DLGAP1: variants seen among roughly 807,000 people sequenced by gnomAD.
The protein encoded by DLGAP1 is DLG associated protein 1.
A neutral mutation model predicts 90.8 loss-of-function variants in DLGAP1; 11 were observed. The observed-to-expected ratio is 0.12, with a 90% CI of 0.08 to 0.20. The LOEUF is 0.20. Ranked by LOEUF, DLGAP1 falls within the 10% of genes least tolerant of loss-of-function variation. The pLI is 1.00. For missense variants in DLGAP1, 1,050 were observed against 1,333.8 expected (o/e 0.79, Z 3.31); for synonymous variants, 558 against 540.7 (o/e 1.03, Z -0.44).
chr18:4,249,890 T>C (rs560868879), intron 1 of DLGAP1, among the ~76,000 whole-genome samples: 1 of 152,168 alleles, frequency 6.6e-6, no homozygotes, highest in Non-Finnish European at 1.5e-5. Flanking sequence ...AGCGTGACCA[T>C]GTAAGTTTCA....
At chr18:3,572,258 A>G (rs2054851778) in intron 8 of DLGAP1, among the ~76,000 whole-genome samples, 1 of 151,604 alleles carries the variant, frequency 6.6e-6, no homozygotes, top group Non-Finnish European at 1.5e-5. Flanking sequence ...AATAAAAGCA[A>G]TTTTGCTTTG....
intron 7 of DLGAP1, among the ~76,000 whole-genome samples, chr18:3,583,941 C>T (rs575644053): frequency 6.6e-6 from 1 of 151,974 alleles, no homozygotes; most frequent in African/African-American, 2.4e-5. Flanking sequence ...GAGCAAGATT[C>T]GGTCTAAAAA....
intron 1 of DLGAP1, among the ~76,000 whole-genome samples, chr18:4,330,327 A>T (rs901871049): frequency 6.6e-6 from 1 of 150,786 alleles, no homozygotes; most frequent in African/African-American, 2.5e-5. Context: ...GTTTTCTTTA[A>T]ATTTATTTTT....
chr18:3,515,354 C>T (rs1039156749), intron 10 of DLGAP1, among the ~76,000 whole-genome samples: 3 of 150,976 alleles, frequency 2.0e-5, no homozygotes, highest in Middle Eastern at 3.2e-3. Flanking sequence ...ACTGTAGACC[C>T]AGCTACTCAG....
At chr18:3,967,437 A>G (rs953100688) in intron 3 of DLGAP1, among the ~76,000 whole-genome samples, 1 of 152,196 alleles carries the variant, frequency 6.6e-6, no homozygotes, top group Admixed American at 6.5e-5. Context: ...AGAACCTGGG[A>G]ACTCATTAAA....
chr18:4,197,717 G>A (rs2077527396), intron 1 of DLGAP1, among the ~76,000 whole-genome samples: 1 of 152,160 alleles, frequency 6.6e-6, no homozygotes, highest in African/African-American at 2.4e-5. Flanking sequence ...AGAATATCTA[G>A]GCTGGAATTT....
At chr18:4,243,839 T>C (rs760744069) in intron 1 of DLGAP1, among the ~76,000 whole-genome samples, 4 of 152,210 alleles carry the variant, frequency 2.6e-5, no homozygotes, top group Non-Finnish European at 5.9e-5. Context: ...CCCTACACTG[T>C]GGCTGAAAGG....
At position 3,547,301 on chromosome 18, in the gene DLGAP1, C is replaced by CAAAA. The variant is rs765095049; in HGVS notation, c.2058-12690_2058-12687dup. 7.7e-3 allele frequency among the ~76,000 whole-genome samples: 342 copies of CAAAA among 44,278 alleles called. 5 individuals carry two copies. The highest frequency in any genetic ancestry group is 0.013 in the Middle Eastern group (1 of 76). The allele number at this position is 44,278 out of a possible 152,430, so 29.0% of individuals were successfully genotyped here. A position where few individuals can be genotyped will look rare whatever the true frequency, so the allele number is the denominator to read the frequency against. ...TGGGCAATAGAGCGAGACTCCGTCTCAAAAAAAAAAAAAAAAAAAAAAGAA... is the reference window on the plus strand; with the variant it reads ...TGGGCAATAGAGCGAGACTCCGTCTCAAAAAAAAAAAAAAAAAAAAAAAAAAGAA... On this transcript the variant is annotated intron_variant, in intron 9 of 12. Coordinates refer to ENST00000315677, the MANE Select transcript of DLGAP1 (RefSeq NM_004746.4).
chr18:4,047,836 C>T (rs184624653), intron 2 of DLGAP1, among the ~76,000 whole-genome samples: 1 of 152,262 alleles, frequency 6.6e-6, no homozygotes, highest in Admixed American at 6.5e-5. Flanking sequence ...TGCTCTGTTG[C>T]CCTGGTTGGA....
chr18:3,926,089 T>C (rs1021573662), intron 3 of DLGAP1, among the ~76,000 whole-genome samples: 2 of 152,214 alleles, frequency 1.3e-5, no homozygotes, highest in Non-Finnish European at 2.9e-5. Flanking sequence ...AGGCTATGTT[T>C]CTCATTGCCA....
chr18:4,313,812 G>A (rs1453494654), intron 1 of DLGAP1, among the ~76,000 whole-genome samples: 1 of 152,172 alleles, frequency 6.6e-6, no homozygotes, highest in Non-Finnish European at 1.5e-5. Flanking sequence ...TGCTGCAGAA[G>A]CAATGAATAA....
At chr18:4,098,230 C>A (rs182771887) in intron 2 of DLGAP1, among the ~76,000 whole-genome samples, 3 of 152,064 alleles carry the variant, frequency 2.0e-5, no homozygotes, top group African/African-American at 7.2e-5. Flanking sequence ...AGATTTCATA[C>A]CAGCAGTCAA....
chr18:4,053,457 T>G (rs1454945679), intron 2 of DLGAP1, among the ~76,000 whole-genome samples: 3 of 152,190 alleles, frequency 2.0e-5, no homozygotes, highest in Non-Finnish European at 4.4e-5. Flanking sequence ...TCCCATGACA[T>G]GTGAAGATTA....
At chr18:3,589,835 A>G (rs2056127212) in intron 7 of DLGAP1, among the ~76,000 whole-genome samples, 1 of 152,164 alleles carries the variant, frequency 6.6e-6, no homozygotes, top group African/African-American at 2.4e-5. Context: ...CCACTGTCTA[A>G]AATCTGCTGA....
At chr18:4,328,062 T>C (rs963058052) in intron 1 of DLGAP1, among the ~76,000 whole-genome samples, 1 of 151,946 alleles carries the variant, frequency 6.6e-6, no homozygotes, top group Non-Finnish European at 1.5e-5. Context: ...TCATTTATCT[T>C]TCCAAAATAA....
At chr18:3,793,290 A>T (rs2065830550) in intron 5 of DLGAP1, among the ~76,000 whole-genome samples, 1 of 152,046 alleles carries the variant, frequency 6.6e-6, no homozygotes, top group Admixed American at 6.5e-5. Context: ...GGATGGGCAC[A>T]TACCTGTCCA....
intron 1 of DLGAP1, among the ~76,000 whole-genome samples, chr18:4,312,523 G>C (rs1404765249): frequency 6.6e-6 from 1 of 152,160 alleles, no homozygotes; most frequent in Non-Finnish European, 1.5e-5. Context: ...CTTTAAGTTT[G>C]TCAGGGTGTG....
intron 7 of DLGAP1, among the ~76,000 whole-genome samples, chr18:3,717,039 CTTTTTTTT>C (rs56981271): frequency 0.023 from 2,605 of 113,830 alleles, 82 homozygotes; most frequent in African/African-American, 0.08. Context: ...GTGAGTTTGC[CTTTTTTTT>C]TTTTTTTTTT....
At chr18:3,808,444 C>G (rs193165614) in intron 5 of DLGAP1, among the ~76,000 whole-genome samples, 1 of 152,236 alleles carries the variant, frequency 6.6e-6, no homozygotes, top group Non-Finnish European at 1.5e-5. Flanking sequence ...TCACTGAGGA[C>G]GTAAATTCAC....
Sources: allele counts gnomAD v4.1 joint callset (sites outside exome capture counted in the v4.1 genomes callset), GRCh38; gene constraint gnomAD v4.1.1; transcripts MANE v1.5; gene names NCBI Gene and HGNC (gene_info 2026-07-23, HGNC 2026-07-21).